Variants in EFNB1 observed in about 807,000 individuals in gnomAD.
EFNB1 encodes the protein ephrin-B1.
A neutral mutation model predicts 18.1 loss-of-function variants in EFNB1; 1 was observed. The ratio of observed to expected loss-of-function variants is 0.06; its 90% CI spans 0.02 to 0.26. The LOEUF (loss-of-function observed/expected upper bound fraction) is 0.26. EFNB1 is among the 10% of genes least tolerant of loss of function. The probability of loss-of-function intolerance (pLI) is 1.00; values close to 1 mark genes in which losing one functional copy is unlikely to be tolerated. For missense variants in EFNB1, 221 were observed against 301.8 expected (o/e 0.73, Z 1.98); for synonymous variants, 131 against 127.5 (o/e 1.03, Z -0.19).
chrX:68,836,915 A>C (rs908180730), intron 1 of EFNB1, among the ~76,000 whole-genome samples: 1 of 111,609 alleles, frequency 9.0e-6, no homozygotes, highest in African/African-American at 3.3e-5. Context: ...GCCAAGCTGG[A>C]CCAATCACTG....
In EFNB1 at chrX:68,839,373, A is replaced by G. The variant is rs144988534; in HGVS notation, c.407-291A>G. 1.5e-3 allele frequency among the ~76,000 whole-genome samples: 170 copies of G among 112,299 alleles called. 2 individuals carry two copies. In the East Asian group the frequency reaches 0.036, roughly 24 times the overall value. ...CCTTTCAGTCTATGTAGAAGCCCCC[A>G]TTATGATCCCAGTGAGGAGGCAGAC... On this transcript the variant is annotated intron_variant, in intron 2 of 4. Coordinates refer to ENST00000204961, the MANE Select transcript of EFNB1 (RefSeq NM_004429.5).
intron 1 of EFNB1, among the ~76,000 whole-genome samples, chrX:68,838,156 TGTGTGTGTGTGTGTGTGCGC>T (rs1179164821): frequency 4.1e-5 from 2 of 48,701 alleles, no homozygotes; most frequent in African/African-American, 2.8e-4. Flanking sequence ...TGTGTGTGTG[TGTGTGTGTGTGTGTGTGCGC>T]GCGCGCGCGC....
chrX:68,840,770 G>T lies in EFNB1; in HGVS notation c.*116G>T. On this transcript the variant is annotated 3_prime_UTR_variant, in exon 5 of 5. Transcript: ENST00000204961. ...GCCCACCTTTGTATTTAGTTTTGTA[G>T]TTTCTTGGCTTTTATAATCCCCCTT... is the stretch of plus-strand genomic sequence containing the variant. 1 of 884,445 alleles carries T rather than the reference G, an allele frequency of 1.1e-6. No homozygotes were observed. Among genetic ancestry groups the T allele is most frequent in the Non-Finnish European group, 1.6e-6 (1 of 629,367 alleles). The allele number at this position is 884,445 out of a possible 1,213,427, so 72.9% of individuals were successfully genotyped here. A position where few individuals can be genotyped will look rare whatever the true frequency, so the allele number is the denominator to read the frequency against.
In EFNB1 at chrX:68,835,199, G is replaced by C. The variant is rs1440020093; in HGVS notation, c.129-3418G>C. Among the ~76,000 whole-genome samples, 3 of 110,997 alleles carry C rather than the reference G, an allele frequency of 2.7e-5. No individual in the cohort carries two copies. The Admixed American group carries it at 2.8e-4, about 10-fold the overall frequency. On this transcript the variant is annotated intron_variant, in intron 1 of 4. Coordinates refer to ENST00000204961, the MANE Select transcript of EFNB1 (RefSeq NM_004429.5). ...TTTTACTCCCTGGGGTGGCGCCCTG[G>C]GGTCCCAGGGCTATCTGAGGCTGGA...
chrX:68,832,524 A>G (rs1296001479), intron 1 of EFNB1, among the ~76,000 whole-genome samples: 1 of 104,820 alleles, frequency 9.5e-6, no homozygotes, highest in Non-Finnish European at 1.9e-5. Context: ...CCTTCTTGGG[A>G]AAAAAAAAAT....
In EFNB1 at chrX:68,840,401, T is replaced by C. The variant is rs752091564; in HGVS notation, c.788T>C (p.Leu263Pro). Residue 263 changes from leucine to proline, a missense_variant, in exon 5 of 5, where the codon CTG becomes CCG. Leu to Pro is a moderately conservative substitution (Grantham distance 98). Coordinates refer to ENST00000204961, the MANE Select transcript of EFNB1 (RefSeq NM_004429.5). ...LIIIFLTVLL[L>P]KLRKRHRKHT... ...ATCATCTTCCTGACGGTCCTACTAC[T>C]GAAGCTACGCAAGCGGCACCGCAAG... is the stretch of plus-strand genomic sequence containing the variant. The C allele has an allele frequency of 1.7e-6, 2 of 1,210,560 alleles. No homozygotes were observed. The highest frequency in any genetic ancestry group is 3.5e-5 in the African/African-American group (2 of 57,343).
chrX:68,841,019 G>T lies in EFNB1; in HGVS notation c.*365G>T. On this transcript the variant is annotated 3_prime_UTR_variant, in exon 5 of 5. Coordinates refer to ENST00000204961, the MANE Select transcript of EFNB1 (RefSeq NM_004429.5). ...GGACTGCTTGTCCGCTATCATCACTGTTTTTAATGCTTTTGTGTTCATTTT... is the reference window on the plus strand; with the variant it reads ...GGACTGCTTGTCCGCTATCATCACTTTTTTTAATGCTTTTGTGTTCATTTT... 1 of 244,840 alleles carries T rather than the reference G, an allele frequency of 4.1e-6. No individual in the cohort carries two copies. Among genetic ancestry groups the T allele is most frequent in the Non-Finnish European group, 7.4e-6 (1 of 135,629 alleles). The allele number at this position is 244,840 out of a possible 1,213,427, so 20.2% of individuals were successfully genotyped here.
In EFNB1 at chrX:68,829,712, A is replaced by G; in HGVS notation, c.-65A>G. On this transcript the variant is annotated 5_prime_UTR_variant, in exon 1 of 5. Transcript: ENST00000204961. ...GGCTCCGAGCGCAGCGCGGCAGAGGAAGGCGAGGCGAGCTTTGGTGAGGAG... is the reference window on the plus strand; with the variant it reads ...GGCTCCGAGCGCAGCGCGGCAGAGGGAGGCGAGGCGAGCTTTGGTGAGGAG... The G allele has an allele frequency of 8.6e-7, 1 of 1,163,952 alleles. No individual in the cohort carries two copies. The highest frequency in any genetic ancestry group is 1.9e-5 in the South Asian group (1 of 52,756).
At chrX:68,830,810 G>A (rs1250183472) in intron 1 of EFNB1, among the ~76,000 whole-genome samples, 1 of 112,502 alleles carries the variant, frequency 8.9e-6, no homozygotes, top group East Asian at 2.8e-4. Context: ...GGAGTGGGCA[G>A]CTATATAAAG....
Position 68,840,308 on chromosome X carries a change from G to C in EFNB1, c.695G>C (p.Gly232Ala). The C allele has an allele frequency of 1.7e-6, 2 of 1,212,005 alleles. No individual in the cohort carries two copies. Among genetic ancestry groups the C allele is most frequent in the Non-Finnish European group, 2.2e-6 (2 of 895,581 alleles). Residue 232 changes from glycine to alanine, a missense_variant, in exon 5 of 5, where the codon GGC (glycine) becomes GCC (alanine). By Grantham distance (60) the Gly-to-Ala change is moderately conservative. Transcript: ENST00000204961. ...ASGGSSGDPDGFFNSKVALFA... is the reference protein window; with the variant it reads ...ASGGSSGDPDAFFNSKVALFA... ...GGGGGCAGCAGCGGGGACCCTGATG[G>C]CTTCTTCAACTCCAAGGTGGCATTG...
At position 68,829,757 on chromosome X, in the gene EFNB1, T is replaced by G. The variant is rs1569396414; in HGVS notation, c.-20T>G. The G allele has an allele frequency of 8.4e-7, 1 of 1,183,920 alleles. No homozygotes were observed. The highest frequency in any genetic ancestry group is 1.1e-6 in the Non-Finnish European group (1 of 881,434). On this transcript the variant is annotated 5_prime_UTR_variant, in exon 1 of 5. Coordinates refer to ENST00000204961, the MANE Select transcript of EFNB1 (RefSeq NM_004429.5). ...GAGGAGGCGCCAAGGGATCCCGAAG[T>G]GCAGTCTGCCCCCGGGAAGATGGCT... is the stretch of plus-strand genomic sequence containing the variant.
At chrX:68,835,823 T>TG (rs2080459468) in intron 1 of EFNB1, among the ~76,000 whole-genome samples, 2 of 111,753 alleles carry the variant, frequency 1.8e-5, no homozygotes, top group South Asian at 7.6e-4. Context: ...CATGTAGACA[T>TG]CTGTTTCCTC....
intron 1 of EFNB1, among the ~76,000 whole-genome samples, chrX:68,831,431 G>T (rs1001771702): frequency 8.9e-6 from 1 of 111,977 alleles, no homozygotes; most frequent in Admixed American, 9.4e-5. Context: ...AGCCAAACGG[G>T]GTACAACACT....
At chrX:68,839,879 A>G (rs2080472202) in intron 3 of EFNB1, 81 bp from the exon 4 acceptor site, 1 of 1,199,749 alleles carries the variant, frequency 8.3e-7, no homozygotes, top group African/African-American at 1.8e-5. Flanking sequence ...TATCCAGGCC[A>G]TTCTTGGCCC....
At chrX:68,830,045 T>G in intron 1 of EFNB1, 141 bp downstream of exon 1, 3 of 711,419 alleles carry the variant, frequency 4.2e-6, no homozygotes, top group Non-Finnish European at 5.9e-6. Context: ...AGTGTTTTCC[T>G]GCGGGCGGGC....
At chrX:68,831,617 G>A (rs775107250) in intron 1 of EFNB1, among the ~76,000 whole-genome samples, 6 of 111,000 alleles carry the variant, frequency 5.4e-5, no homozygotes, top group Non-Finnish European at 1.1e-4. Context: ...GTTGAAATCC[G>A]CCTGGGGTAG....
intron 1 of EFNB1, 150 bp downstream of exon 1, chrX:68,830,054 G>A: frequency 1.1e-6 from 1 of 886,619 alleles, no homozygotes; most frequent in Non-Finnish European, 1.6e-6. Flanking sequence ...CTGCGGGCGG[G>A]CGGATGGAGC....
At chrX:68,838,366 C>A (rs1351063405) in intron 1 of EFNB1, among the ~76,000 whole-genome samples, 1 of 111,841 alleles carries the variant, frequency 8.9e-6, no homozygotes, top group African/African-American at 3.2e-5. Flanking sequence ...GCTCCCCCAG[C>A]CAGGCAGTGC....
chrX:68,838,268 C>T (rs1347908391), intron 1 of EFNB1, among the ~76,000 whole-genome samples: 1 of 110,496 alleles, frequency 9.1e-6, no homozygotes, highest in Non-Finnish European at 1.9e-5. Context: ...ATAAGACTGC[C>T]ACCTCCAGGT....
Sources: gnomAD v4.1 joint callset for allele counts (sites outside exome capture counted in the v4.1 genomes callset) on GRCh38, gnomAD v4.1.1 for gene constraint, MANE v1.5 for transcripts, NCBI Gene and HGNC (gene_info 2026-07-23, HGNC 2026-07-21) for gene names.